The following IGF2R variants were observed in gnomAD, a reference collection of about 807,000 sequenced individuals.
IGF2R encodes the protein insulin like growth factor 2 receptor, also known as cation-independent mannose-6-phosphate receptor.
IGF2R carries 91 observed loss-of-function variants against 270.6 expected under a neutral mutation model. The ratio of observed to expected loss-of-function variants is 0.34; its 90% CI spans 0.28 to 0.40. IGF2R has a LOEUF of 0.40. IGF2R is among the 10% of genes least tolerant of loss of function. The probability of loss-of-function intolerance (pLI) is 1.00; values close to 1 mark genes in which losing one functional copy is unlikely to be tolerated. For missense variants in IGF2R, 2,805 were observed against 3,188.3 expected, an observed-to-expected ratio of 0.88 and a Z score of 2.90; for synonymous variants, 1,316 against 1,258.9, an observed-to-expected ratio of 1.05 and a Z score of -0.96.
rs779428929 is a variant in IGF2R, at chr6:160,024,593, G to A, written c.535G>A (p.Glu179Lys). 1 of 1,614,060 alleles carries A rather than the reference G, an allele frequency of 6.2e-7. No individual in the cohort carries two copies. The highest frequency in any genetic ancestry group is 8.5e-7 in the Non-Finnish European group (1 of 1,179,972). ...NKEVPCYVFD[E>K]ELRKHDLNPL... ...CCAGGTGCCATGCTATGTGTTTGAT[G>A]AAGAGTTGAGGAAGCATGATCTCAA... The change falls in exon 5 of 48, where the codon GAA becomes AAA. Residue 179 changes from glutamate to lysine, a missense_variant. Transcript: ENST00000356956.
chr6:160,063,283 C>T (rs940486555), intron 26 of IGF2R, 132 bp from the exon 27 acceptor site: 9 of 683,328 alleles, frequency 1.3e-5, no homozygotes, highest in Non-Finnish European at 1.8e-5. Flanking sequence ...GTAATCCACC[C>T]GCCTCAGCCT....
At chr6:160,064,314 A>C (rs1309338127) in intron 27 of IGF2R, 87 bp from the exon 28 acceptor site, 2 of 1,442,274 alleles carry the variant, frequency 1.4e-6, no homozygotes, top group Admixed American at 1.7e-5. Context: ...CACACTCTTC[A>C]GGGTGTGTGG....
In IGF2R at chr6:160,102,829, C is replaced by T. The variant is rs935633935; in HGVS notation, c.6995+158C>T. Among the ~76,000 whole-genome samples, 8 of 152,178 alleles carry T rather than the reference C, an allele frequency of 5.3e-5. No individual in the cohort carries two copies. The highest frequency in any genetic ancestry group is 8.8e-5 in the Non-Finnish European group (6 of 68,036). ...AAAACTCTCTGGAAGCAGTCCCCAG[C>T]GTTGTGGTTTTTAAATGCCTGCATT... On this transcript the variant is annotated intron_variant, in intron 46 of 47. Transcript: ENST00000356956. The surrounding 1 kb of genome is among the most constrained non-coding windows in gnomAD (Gnocchi z 4.5).
chr6:160,062,064 C>A, intron 25 of IGF2R, 136 bp downstream of exon 25: 1 of 740,512 alleles, frequency 1.4e-6, no homozygotes, highest in Non-Finnish European at 2.2e-6. Context: ...TAGGGTTTGA[C>A]GAGAATGCAC....
intron 7 of IGF2R, among the ~76,000 whole-genome samples, chr6:160,031,650 C>T (rs1286227458): frequency 2.0e-5 from 3 of 152,098 alleles, no homozygotes; most frequent in African/African-American, 7.2e-5. Context: ...CACTGAGCCA[C>T]GTGGGCAGAA....
At chr6:160,012,925 C>T (rs1020483868) in intron 4 of IGF2R, among the ~76,000 whole-genome samples, 8 of 151,836 alleles carry the variant, frequency 5.3e-5, no homozygotes, top group South Asian at 2.1e-4. Flanking sequence ...CTGCGCCTGG[C>T]CCCACACACA....
At chr6:160,024,838 C>T in intron 5 of IGF2R, 134 bp downstream of exon 5, 1 of 1,004,972 alleles carries the variant, frequency 1.0e-6, no homozygotes. Flanking sequence ...AGCTTTTGTC[C>T]CCAAAAATGT....
In IGF2R at chr6:160,045,872, C is replaced by G; in HGVS notation, c.1893C>G (p.Asp631Glu). The change falls in exon 14 of 48, where the codon GAC becomes GAG. Residue 631 changes from aspartate (D) to glutamate (E), a missense_variant. Asp to Glu is a conservative substitution (Grantham distance 45, BLOSUM62 2). Transcript: ENST00000356956. ...AAGGGGAGAACTGCACGGTCTTTGA[C>G]TCCCAGGCAGGTCTGTGTCCAAGCA... The part of the protein sequence containing the change: ...KTEGENCTVF[D>E]SQAGFSFDLS... 1 of 1,567,048 alleles carries G rather than the reference C, an allele frequency of 6.4e-7. No individual in the cohort carries two copies. Among genetic ancestry groups the G allele is most frequent in the Non-Finnish European group, 8.6e-7 (1 of 1,158,574 alleles).
At position 160,080,253 on chromosome 6, in the gene IGF2R, C is replaced by T. The variant is rs375436902; in HGVS notation, c.5811C>T (p.His1937=). 25 of 1,613,912 alleles carry T rather than the reference C, an allele frequency of 1.5e-5. No homozygotes were observed. The highest frequency in any genetic ancestry group is 2.7e-5 in the African/African-American group (2 of 74,940). The change falls in exon 39 of 48, where the codon CAC becomes CAT. Residue 1937 remains histidine (H), a synonymous_variant. Transcript: ENST00000356956. ...CSTTADYDRD[H]EWGFCRHSNS... is the part of the protein sequence containing the mutation. ...CAACTGCGGACTACGACAGAGACCA[C>T]GAGTGGGGCTTCTGCAGACACTGTG...
chr6:160,103,959 A>G, intron 47 of IGF2R, 144 bp downstream of exon 47: 4 of 584,592 alleles, frequency 6.8e-6, no homozygotes, highest in Non-Finnish European at 1.2e-5. Context: ...CCGTTGCCTC[A>G]GCCACTTACG....
At position 160,090,578 on chromosome 6, in the gene IGF2R, G is replaced by A. The variant is rs147348617; in HGVS notation, c.6655+475G>A. Among the ~76,000 whole-genome samples the A allele has an allele frequency of 3.2e-4, 48 of 152,352 alleles. 1 individual carries two copies. The East Asian group carries it at 8.3e-3, about 26-fold the overall frequency. ...ATAGGGCAGAGTCCAGGGTGTGAAG[G>A]AAGGTTTTAAACTGGCACTAATAAG... On this transcript the variant is annotated intron_variant, in intron 44 of 47. Coordinates refer to ENST00000356956, the MANE Select transcript of IGF2R (RefSeq NM_000876.4).
intron 29 of IGF2R, among the ~76,000 whole-genome samples, chr6:160,065,810 GTGTGTATATATATATATA>G (rs1361402608): frequency 1.4e-4 from 10 of 72,980 alleles, no homozygotes; most frequent in Non-Finnish European, 2.1e-4. Context: ...GTGTGTGTGT[GTGTGTATATATATATATA>G]TATATATATA....
intron 4 of IGF2R, among the ~76,000 whole-genome samples, chr6:160,019,714 T>G (rs1777388471): frequency 6.6e-6 from 1 of 152,112 alleles, no homozygotes; most frequent in South Asian, 2.1e-4. Flanking sequence ...AAAAAAAGTC[T>G]GACCATCTCA....
At chr6:160,091,978 A>G (rs1025506539) in intron 44 of IGF2R, among the ~76,000 whole-genome samples, 10 of 152,340 alleles carry the variant, frequency 6.6e-5, no homozygotes, top group African/African-American at 2.2e-4. Context: ...GGGTTTACAT[A>G]TGCTGCTCTT....
intron 37 of IGF2R, among the ~76,000 whole-genome samples, chr6:160,078,738 G>A (rs558818404): frequency 1.1e-4 from 16 of 152,336 alleles, no homozygotes; most frequent in African/African-American, 3.6e-4. Flanking sequence ...AAATCTACAG[G>A]GATTTAATTC....
chr6:160,101,721 C>G (rs1779488831), intron 45 of IGF2R, among the ~76,000 whole-genome samples: 1 of 152,218 alleles, frequency 6.6e-6, no homozygotes, highest in Non-Finnish European at 1.5e-5. Context: ...TTAGAAGTGT[C>G]AAGTCGTTAC....
intron 27 of IGF2R, 142 bp from the exon 28 acceptor site, chr6:160,064,259 C>G: frequency 1.1e-6 from 1 of 924,660 alleles, no homozygotes; most frequent in Admixed American, 1.9e-5. Context: ...TGTAATGTGA[C>G]AGGAGTGCAT....
At chr6:159,976,112 A>G (rs1473888092) in intron 1 of IGF2R, among the ~76,000 whole-genome samples, 2 of 152,148 alleles carry the variant, frequency 1.3e-5, no homozygotes, top group Admixed American at 6.5e-5. Flanking sequence ...CAGTAAAACT[A>G]TCTGGCCCTG....
chr6:160,078,299 C>T lies in IGF2R; in HGVS notation c.5415C>T (p.Thr1805=), dbSNP rs376640723. The T allele has an allele frequency of 5.3e-5, 86 of 1,613,990 alleles. No individual in the cohort carries two copies. Among genetic ancestry groups the T allele is most frequent in the Non-Finnish European group, 7.3e-5 (86 of 1,179,966 alleles). ...ATGAAGTGAGGATGGATGGCTGTAC[C>T]CTGACAGATGAGCAGCTCCTCTACA... ...CPDEVRMDGC[T]LTDEQLLYSF... is the part of the protein sequence containing the mutation. Residue 1805 remains threonine (T), a synonymous_variant, in exon 37 of 48, where the codon ACC becomes ACT. Coordinates refer to ENST00000356956, the MANE Select transcript of IGF2R (RefSeq NM_000876.4).
Sources: allele counts gnomAD v4.1 joint callset (sites outside exome capture counted in the v4.1 genomes callset), GRCh38; gene constraint gnomAD v4.1.1; non-coding constraint Gnocchi (gnomAD v3.1); transcripts MANE v1.5; gene names NCBI Gene and HGNC (gene_info 2026-07-23, HGNC 2026-07-21).